ADGRE3: variants seen among roughly 807,000 people sequenced by gnomAD.
ADGRE3 encodes EGF-like module receptor 3.
ADGRE3 carries 88 observed loss-of-function variants against 80.1 expected under a neutral mutation model. The observed-to-expected ratio is 1.10, with a 90% confidence interval of 0.93 to 1.31. The LOEUF is 1.31. Among genes scored for constraint, ADGRE3 ranks in the 40% most tolerant of loss-of-function variants. The pLI is 0.00. For synonymous variants in ADGRE3, 281 were observed against 294.8 expected, an observed-to-expected ratio of 0.95 and a Z score of 0.48; for missense variants, 715 against 776.5, an observed-to-expected ratio of 0.92 and a Z score of 0.94.
At chr19:14,659,392 G>A (rs960058276) in intron 4 of ADGRE3, among the ~76,000 whole-genome samples, 1 of 152,106 alleles carries the variant, frequency 6.6e-6, no homozygotes, top group African/African-American at 2.4e-5. Context: ...TGAAATGTCC[G>A]AGAAAACAGA....
chr19:14,646,669 C>CTCCT (rs1308701963), intron 8 of ADGRE3, among the ~76,000 whole-genome samples: 3 of 84,884 alleles, frequency 3.5e-5, no homozygotes, highest in East Asian at 3.6e-4. Flanking sequence ...TCCTCCCTCC[C>CTCCT]TCCCTCCCTC....
intron 1 of ADGRE3, among the ~76,000 whole-genome samples, chr19:14,673,871 C>T (rs1972318765): frequency 6.6e-6 from 1 of 152,048 alleles, no homozygotes; most frequent in African/African-American, 2.4e-5. Context: ...TCTTATTTTC[C>T]ACTGTCCTTC....
intron 6 of ADGRE3, among the ~76,000 whole-genome samples, chr19:14,654,688 T>G (rs1039964680): frequency 6.6e-6 from 1 of 152,060 alleles, no homozygotes; most frequent in Non-Finnish European, 1.5e-5. Context: ...AAGTGTACAA[T>G]CTGGTGAGTT....
chr19:14,669,900 G>A (rs1016919229), intron 1 of ADGRE3, among the ~76,000 whole-genome samples: 1 of 152,034 alleles, frequency 6.6e-6, no homozygotes, highest in Non-Finnish European at 1.5e-5. Context: ...CAAAAATGTT[G>A]TTTTAAGCCA....
At chr19:14,673,667 C>T (rs1321575273) in intron 1 of ADGRE3, among the ~76,000 whole-genome samples, 4 of 152,196 alleles carry the variant, frequency 2.6e-5, no homozygotes, top group Non-Finnish European at 5.9e-5. Flanking sequence ...CATGAGCATA[C>T]TGATGATGCA....
chr19:14,641,689 C>T (rs1266349271), intron 9 of ADGRE3, 73 bp from the exon 10 acceptor site: 5 of 1,557,040 alleles, frequency 3.2e-6, no homozygotes, highest in South Asian at 1.2e-5. Context: ...TGAACTGGGG[C>T]ATCCTAGACA....
At chr19:14,649,993 TCC>T (rs776345786) in intron 7 of ADGRE3, among the ~76,000 whole-genome samples, 15 of 142,266 alleles carry the variant, frequency 1.1e-4, no homozygotes, top group Non-Finnish European at 1.8e-4. Flanking sequence ...CATCTCTCTC[TCC>T]ATCTCTCCCT....
the ADGRE3 span, among the ~76,000 whole-genome samples, chr19:14,608,634 T>G: frequency 8.1e-4 from 107 of 131,494 alleles, no homozygotes; most frequent in Non-Finnish European, 1.4e-3. Context: ...AAGAATTTTT[T>G]TTTTTTTTTT....
At chr19:14,631,594 TTG>T (rs1363905067) in intron 13 of ADGRE3, among the ~76,000 whole-genome samples, 2 of 151,484 alleles carry the variant, frequency 1.3e-5, no homozygotes, top group South Asian at 4.1e-4. Flanking sequence ...AAAATATACA[TTG>T]TGTTATATAT....
At chr19:14,659,072 G>C (rs6511952) in intron 4 of ADGRE3, among the ~76,000 whole-genome samples, 49,967 of 148,968 alleles carry the variant, frequency 0.34, 8,779 homozygotes, top group African/African-American at 0.46. Context: ...GTCTCATTCT[G>C]CTGCCTAGGC....
rs111459419 is a variant in ADGRE3, at chr19:14,668,900, G to A, written c.26-48C>T. On this transcript the variant is annotated intron_variant, in intron 1 of 15. Coordinates refer to ENST00000253673, the MANE Select transcript of ADGRE3 (RefSeq NM_032571.5). ...GGGAGAGACATGAAACAATTGAGGA[G>A]AGATTCCAAGAAATGCCCCAAGGAC... The A allele has an allele frequency of 1.4e-3, 2,192 of 1,559,814 alleles. 34 individuals are homozygous for A. In the African/African-American group the frequency reaches 0.027, roughly 19 times the overall value.
intron 14 of ADGRE3, among the ~76,000 whole-genome samples, chr19:14,627,809 G>T (rs931156444): frequency 6.6e-6 from 1 of 151,978 alleles, no homozygotes; most frequent in Non-Finnish European, 1.5e-5. Flanking sequence ...GTAGCCATAT[G>T]AAATAAAACT....
intron 15 of ADGRE3, among the ~76,000 whole-genome samples, chr19:14,620,548 T>TATAATATATATATATATAA: frequency 4.0e-5 from 1 of 24,982 alleles, no homozygotes; most frequent in Non-Finnish European, 6.2e-5. Context: ...TATATATATA[T>TATAATATATATATATATAA]TATATATATA....
chr19:14,634,095 C>T (rs1163799504), intron 11 of ADGRE3, among the ~76,000 whole-genome samples: 2 of 151,982 alleles, frequency 1.3e-5, no homozygotes, highest in East Asian at 3.9e-4. Context: ...GCTTTGATTA[C>T]ACATTTTGAT....
chr19:14,640,284 T>G (rs142702120), intron 10 of ADGRE3, among the ~76,000 whole-genome samples: 1 of 152,264 alleles, frequency 6.6e-6, no homozygotes, highest in Admixed American at 6.5e-5. Context: ...AGTTGATCAC[T>G]AAGACAACTT....
intron 11 of ADGRE3, among the ~76,000 whole-genome samples, chr19:14,636,027 T>C (rs1158994515): frequency 2.2e-5 from 2 of 89,640 alleles, no homozygotes; most frequent in African/African-American, 7.7e-5. Flanking sequence ...CTTCCTTCCT[T>C]CCTTCCTTCC....
At chr19:14,620,544 T>TA (rs1568471424) in intron 15 of ADGRE3, among the ~76,000 whole-genome samples, 4 of 17,064 alleles carry the variant, frequency 2.3e-4, no homozygotes, top group African/African-American at 1.0e-3. Context: ...ATTTTATATA[T>TA]ATATTATATA....
At chr19:14,673,532 T>C (rs1723452816) in intron 1 of ADGRE3, among the ~76,000 whole-genome samples, 1 of 152,168 alleles carries the variant, frequency 6.6e-6, no homozygotes, top group Admixed American at 6.5e-5. Flanking sequence ...AGGAGCATTA[T>C]AGCAAAGATC....
chr19:14,656,701 A>G (rs1049003857), intron 5 of ADGRE3, among the ~76,000 whole-genome samples: 3 of 152,058 alleles, frequency 2.0e-5, no homozygotes, highest in Non-Finnish European at 4.4e-5. Flanking sequence ...GCCTTTTCCT[A>G]TTGGCACAGC....
Sources: allele counts gnomAD v4.1 joint callset (sites outside exome capture counted in the v4.1 genomes callset), GRCh38; gene constraint gnomAD v4.1.1; transcripts MANE v1.5; gene names NCBI Gene and HGNC (gene_info 2026-07-23, HGNC 2026-07-21).